The following TDRD3 variants were observed in gnomAD, a reference collection of about 807,000 sequenced individuals.
TDRD3 encodes the protein tudor domain containing 3.
Under a neutral mutation model 86.7 loss-of-function variants are expected in TDRD3, and 45 were observed. The ratio of observed to expected loss-of-function variants is 0.52; its 90% CI spans 0.41 to 0.67. TDRD3 has a LOEUF of 0.67. Among genes scored for constraint, TDRD3 ranks in the 30% least tolerant of loss-of-function variants. TDRD3 has a pLI of 0.00. For synonymous variants in TDRD3, 298 were observed against 301.7 expected, an observed-to-expected ratio of 0.99 and a Z score of 0.13; for missense variants, 814 against 889.0, an observed-to-expected ratio of 0.92 and a Z score of 1.07.
At chr13:60,537,929 T>A (rs1428555146) in intron 12 of TDRD3, 4 of 152,062 alleles carry the variant, frequency 2.6e-5, no homozygotes, top group Non-Finnish European at 5.9e-5. Context: ...AGCCTGCATA[T>A]AAGCCAAAAG....
At chr13:60,409,142 G>A (rs1954301282) in intron 1 of TDRD3, among the ~76,000 whole-genome samples, 1 of 152,248 alleles carries the variant, frequency 6.6e-6, no homozygotes, top group South Asian at 2.1e-4. Context: ...AGCCTGTGGG[G>A]GCACAAAGTC....
Position 60,444,711 on chromosome 13 carries a change from T to G in TDRD3, c.155T>G (p.Phe52Cys), listed in dbSNP as rs752388593. Residue 52 changes from phenylalanine (F) to cysteine (C), a missense_variant, in exon 3 of 14, where the codon TTC becomes TGC. Phe to Cys is a radical substitution (Grantham distance 205). Coordinates refer to ENST00000377881, the MANE Select transcript of TDRD3 (RefSeq NM_001146070.2). ...GATCTGAGAACAATTGGCAAGAAAT[T>G]CCTCCCCAGTGACATCAATAGTGGA... Reference protein sequence around the residue: ...NTDLRTIGKKFLPSDINSGKV... With the variant: ...NTDLRTIGKKCLPSDINSGKV... 1.4e-6 allele frequency: 2 copies of G among 1,480,762 alleles called. No homozygotes were observed. The highest frequency in any genetic ancestry group is 1.8e-6 in the Non-Finnish European group (2 of 1,105,620). The allele number at this position is 1,480,762 out of a possible 1,614,324, so 91.7% of individuals were successfully genotyped here. A position where few individuals can be genotyped will look rare whatever the true frequency, so the allele number is the denominator to read the frequency against.
chr13:60,493,140 G>A (rs1276571239), intron 7 of TDRD3, among the ~76,000 whole-genome samples: 7 of 151,248 alleles, frequency 4.6e-5, no homozygotes, highest in Admixed American at 1.3e-4. Context: ...AGATGGTCTC[G>A]ATCTCCTGAC....
chr13:60,451,560 C>G (rs899078477), intron 3 of TDRD3, among the ~76,000 whole-genome samples: 1 of 152,092 alleles, frequency 6.6e-6, no homozygotes, highest in Non-Finnish European at 1.5e-5. Context: ...TTCCCCTGTC[C>G]CTCTACCAGA....
chr13:60,560,578 A>G (rs1958310189), intron 12 of TDRD3, among the ~76,000 whole-genome samples: 1 of 151,566 alleles, frequency 6.6e-6, no homozygotes, highest in African/African-American at 2.4e-5. Context: ...AGGAAGGACA[A>G]TGATGAATAG....
At chr13:60,484,555 G>A in intron 6 of TDRD3, 1 of 363,826 alleles carries the variant, frequency 2.7e-6, no homozygotes, top group Non-Finnish European at 5.3e-6. Context: ...CCAAATTTTG[G>A]TATTTAGTAA....
chr13:60,544,636 T>C (rs1294504465), intron 12 of TDRD3, among the ~76,000 whole-genome samples: 1 of 152,106 alleles, frequency 6.6e-6, no homozygotes, highest in Non-Finnish European at 1.5e-5. Context: ...CTTTGAATAG[T>C]ATATTAATTC....
intron 4 of TDRD3, among the ~76,000 whole-genome samples, chr13:60,463,799 TCACAC>T (rs1955855197): frequency 6.6e-6 from 1 of 152,164 alleles, no homozygotes; most frequent in Non-Finnish European, 1.5e-5. Context: ...AGAGATCATC[TCACAC>T]AGTTAGAATG....
At chr13:60,560,519 A>G (rs554921648) in intron 12 of TDRD3, among the ~76,000 whole-genome samples, 1 of 152,278 alleles carries the variant, frequency 6.6e-6, no homozygotes, top group South Asian at 2.1e-4. Context: ...TAACCTGCCA[A>G]AAATAGCTTA....
At chr13:60,514,695 G>A (rs1022608655) in intron 10 of TDRD3, among the ~76,000 whole-genome samples, 1 of 152,196 alleles carries the variant, frequency 6.6e-6, no homozygotes, top group Non-Finnish European at 1.5e-5. Flanking sequence ...AGTGCTGTGA[G>A]GAGAGACATG....
chr13:60,488,342 C>G (rs535301163), intron 7 of TDRD3, among the ~76,000 whole-genome samples: 1 of 152,202 alleles, frequency 6.6e-6, no homozygotes, highest in South Asian at 2.1e-4. Flanking sequence ...GCCTGAGTGT[C>G]ATTTCCTGAG....
At position 60,529,093 on chromosome 13, in the gene TDRD3, G is replaced by T; in HGVS notation, c.1868G>T (p.Gly623Val). The change falls in exon 11 of 14, where the codon GGG becomes GTG. Residue 623 changes from glycine (G) to valine (V), a missense_variant. Physicochemically the swap from Gly to Val is moderately radical, Grantham distance 109. Coordinates refer to ENST00000377881, the MANE Select transcript of TDRD3 (RefSeq NM_001146070.2). ...GATGATAAAATATTTTACAATAGTG[G>T]GCCCAAACGAAGATCTGGGCCAATT... ...PCDDKIFYNSGPKRRSGPIKP... is the reference protein window; with the variant it reads ...PCDDKIFYNSVPKRRSGPIKP... 1 of 1,613,842 alleles carries T rather than the reference G, an allele frequency of 6.2e-7. No individual in the cohort carries two copies. Among genetic ancestry groups the T allele is most frequent in the Middle Eastern group, 1.6e-4 (1 of 6,062 alleles).
chr13:60,499,014 C>T (rs1173681233), intron 8 of TDRD3, among the ~76,000 whole-genome samples: 3 of 152,198 alleles, frequency 2.0e-5, no homozygotes, highest in Admixed American at 1.3e-4. Context: ...TACTTAGCAG[C>T]TGGCAGAACC....
chr13:60,499,862 C>T (rs991775937), intron 8 of TDRD3, among the ~76,000 whole-genome samples: 5 of 152,150 alleles, frequency 3.3e-5, no homozygotes, highest in South Asian at 2.1e-4. Context: ...GTTACTCTGG[C>T]GGATTTATCA....
At chr13:60,510,067 G>C in intron 9 of TDRD3, 148 bp downstream of exon 9, 1 of 881,822 alleles carries the variant, frequency 1.1e-6, no homozygotes, top group African/African-American at 1.7e-5. Context: ...GAACCATAGA[G>C]ACATTTGTAG....
In TDRD3 at chr13:60,567,592, C is replaced by G. The variant is rs1299020890; in HGVS notation, c.2186C>G (p.Ser729Cys). ...GGAGGTGATGGCCAGCCAAGACGAT[C>G]CACTCGGCCAACCCAACAGTTTTAC... ...RRGGDGQPRR[S>C]TRPTQQFYQP... Residue 729 changes from serine (S) to cysteine (C), a missense_variant, in exon 13 of 14, where the codon TCC (serine) becomes TGC (cysteine). Transcript: ENST00000377881. 1 of 1,614,146 alleles carries G rather than the reference C, an allele frequency of 6.2e-7. No homozygotes were observed. Among genetic ancestry groups the G allele is most frequent in the South Asian group, 1.1e-5 (1 of 91,084 alleles).
chr13:60,506,064 C>T lies in TDRD3; in HGVS notation c.859-3699C>T, dbSNP rs545214449. 9.9e-5 allele frequency among the ~76,000 whole-genome samples: 15 copies of T among 152,036 alleles called. No individual in the cohort carries two copies. In the South Asian group the frequency reaches 1.5e-3, roughly 15 times the overall value. Reference sequence around the variant, plus strand: ...AAAATACTCCTTGAGAAGAGCAACCCCAAGACACATAATCATCAGATTCAC... The same window carrying T: ...AAAATACTCCTTGAGAAGAGCAACCTCAAGACACATAATCATCAGATTCAC... On this transcript the variant is annotated intron_variant, in intron 8 of 13. Transcript: ENST00000377881.
At chr13:60,442,862 T>C (rs1489384007) in intron 2 of TDRD3, among the ~76,000 whole-genome samples, 2 of 152,006 alleles carry the variant, frequency 1.3e-5, no homozygotes, top group Non-Finnish European at 2.9e-5. Context: ...TTGGGATGGA[T>C]CAAAGTTTAG....
At chr13:60,483,914 G>A (rs1481360150) in intron 6 of TDRD3, 68 bp downstream of exon 6, 1 of 1,454,110 alleles carries the variant, frequency 6.9e-7, no homozygotes, top group African/African-American at 1.4e-5. Context: ...CATTCAAGCT[G>A]TGTTTCATTA....
Sources: allele counts gnomAD v4.1 joint callset (sites outside exome capture counted in the v4.1 genomes callset), GRCh38; gene constraint gnomAD v4.1.1; transcripts MANE v1.5; gene names NCBI Gene and HGNC (gene_info 2026-07-23, HGNC 2026-07-21).